PCDHGA4: variants seen among roughly 807,000 people sequenced by gnomAD.
The protein encoded by PCDHGA4 is protocadherin gamma-A4.
A neutral mutation model predicts 54.6 loss-of-function variants in PCDHGA4; 38 were observed. That is an observed-to-expected ratio of 0.70 (90% confidence interval 0.54 to 0.91). PCDHGA4 has a LOEUF of 0.91. PCDHGA4 is among the 40% of genes least tolerant of loss of function. The pLI is 0.00. For missense variants in PCDHGA4, 1,298 were observed against 1,220.9 expected, an observed-to-expected ratio of 1.06 and a Z score of -0.94; for synonymous variants, 511 against 512.9, an observed-to-expected ratio of 1.00 and a Z score of 0.05.
Position 141,355,962 on chromosome 5 carries a change from C to A in PCDHGA4, c.855C>A (p.Asn285Lys). ...QPEYHVSVRE[N>K]VPVGTRLLTV... ...AGTACCACGTAAGTGTTCGTGAGAACGTTCCTGTAGGCACTCGGCTACTCA... is the reference window on the plus strand; with the variant it reads ...AGTACCACGTAAGTGTTCGTGAGAAAGTTCCTGTAGGCACTCGGCTACTCA... Residue 285 changes from asparagine (N) to lysine (K), a missense_variant, in exon 1 of 4, where the codon AAC becomes AAA. Asn to Lys is a moderately conservative substitution (Grantham distance 94, BLOSUM62 0). Coordinates refer to ENST00000571252, the MANE Select transcript of PCDHGA4 (RefSeq NM_018917.4). 1 of 1,613,898 alleles carries A rather than the reference C, an allele frequency of 6.2e-7. No homozygotes were observed. The highest frequency in any genetic ancestry group is 8.5e-7 in the Non-Finnish European group (1 of 1,179,866).
chr5:141,424,497 A>G (rs2096824503), intron 1 of PCDHGA4: 2 of 152,174 alleles, frequency 1.3e-5, no homozygotes, highest in African/African-American at 2.4e-5. Flanking sequence ...GTTTGTATGT[A>G]TGGAAGGTTT....
At position 141,431,365 on chromosome 5, in the gene PCDHGA4, C is replaced by T. The variant is rs2097365932; in HGVS notation, c.2515-63442C>T. ...TGGTGCTGAAACGCGCCCTGGACCG[C>T]GAAGAAAAGGCTGCTCACCACCTGG... On this transcript the variant is annotated intron_variant, in intron 1 of 3. Coordinates refer to ENST00000571252, the MANE Select transcript of PCDHGA4 (RefSeq NM_018917.4). The surrounding 1 kb of genome is among the most constrained non-coding windows in gnomAD (Gnocchi z 4.8). 6 of 1,613,980 alleles carry T rather than the reference C, an allele frequency of 3.7e-6. No homozygotes were observed. Among genetic ancestry groups the T allele is most frequent in the Non-Finnish European group, 5.1e-6 (6 of 1,180,028 alleles).
At chr5:141,373,925 G>C (rs1769961983) in intron 1 of PCDHGA4, 11 of 660,560 alleles carry the variant, frequency 1.7e-5, no homozygotes, top group Non-Finnish European at 2.6e-5. Flanking sequence ...CAAATTAGAC[G>C]GGAAAGCAGG....
intron 1 of PCDHGA4, chr5:141,361,955 A>G (rs1762251619): frequency 6.2e-6 from 10 of 1,602,992 alleles, no homozygotes; most frequent in Non-Finnish European, 6.8e-6. Flanking sequence ...CTGTCCTACC[A>G]CGTGCTGCAG....
chr5:141,468,226 G>T (rs967204965), intron 1 of PCDHGA4, among the ~76,000 whole-genome samples: 2 of 151,038 alleles, frequency 1.3e-5, no homozygotes, highest in Admixed American at 1.3e-4. Flanking sequence ...TTGGGAGGAT[G>T]AGGTAGGAGA....
rs1189175823 is a variant in PCDHGA4 at position 141,422,087 on chromosome 5, G to T, written c.2514+64466G>T. 2 of 1,611,966 alleles carry T rather than the reference G, an allele frequency of 1.2e-6. No individual in the cohort carries two copies. ...ATGTATTCATTTCGGAACATGGAAA[G>T]CAAGGCTTCTGAAATATTCCAATTG... is the stretch of plus-strand genomic sequence containing the variant. On this transcript the variant is annotated intron_variant, in intron 1 of 3. Transcript: ENST00000571252.
At position 141,357,474 on chromosome 5, in the gene PCDHGA4, C is replaced by T. The variant is rs530149154; in HGVS notation, c.2367C>T (p.Ser789=). The change falls in exon 1 of 4, where the codon TCC becomes TCT. Residue 789 remains serine (S), a synonymous_variant. Transcript: ENST00000571252. ...AFLQTYSHEV[S]LTADSRKSHL... The stretch of plus-strand genomic sequence containing the variant: ...TGCAGACCTATTCCCACGAGGTCTC[C>T]CTCACCGCGGACTCGCGGAAGAGTC... The T allele has an allele frequency of 2.5e-6, 4 of 1,614,220 alleles. No homozygotes were observed. In the South Asian group the frequency reaches 3.3e-5, roughly 13 times the overall value.
chr5:141,365,622 C>T, intron 1 of PCDHGA4: 1 of 1,613,594 alleles, frequency 6.2e-7, no homozygotes, highest in Non-Finnish European at 8.5e-7. Flanking sequence ...GGAACCCCGC[C>T]CCTCTCTACA....
At chr5:141,421,120 G>T (rs747126094) in intron 1 of PCDHGA4, 4 of 779,870 alleles carry the variant, frequency 5.1e-6, no homozygotes, top group Non-Finnish European at 7.9e-6. Flanking sequence ...ATTTTCCTTC[G>T]CTTTCTGATA....
At chr5:141,478,338 C>T in intron 1 of PCDHGA4, 2 of 1,613,936 alleles carry the variant, frequency 1.2e-6, no homozygotes, top group South Asian at 1.1e-5. Flanking sequence ...CCAGGGCCCT[C>T]CTTGCACGCG....
In PCDHGA4 at chr5:141,431,501, C is replaced by G; in HGVS notation, c.2515-63306C>G. On this transcript the variant is annotated intron_variant, in intron 1 of 3. Coordinates refer to ENST00000571252, the MANE Select transcript of PCDHGA4 (RefSeq NM_018917.4). This position sits in a 1 kb window ranked among gnomAD's most constrained non-coding sequence, Gnocchi z 4.8. ...ACCAGCGTTTGCTCAGCCCGAGTAC[C>G]GCGCGAGCGTTCCGGAGAATCTGGC... is the stretch of plus-strand genomic sequence containing the variant. 1 of 1,614,010 alleles carries G rather than the reference C, an allele frequency of 6.2e-7. No homozygotes were observed. The highest frequency in any genetic ancestry group is 8.5e-7 in the Non-Finnish European group (1 of 1,180,034).
chr5:141,507,661 C>T (rs1328943034), intron 3 of PCDHGA4, among the ~76,000 whole-genome samples: 1 of 152,236 alleles, frequency 6.6e-6, no homozygotes, highest in Non-Finnish European at 1.5e-5. Context: ...GCTTTTTAGC[C>T]TAAATCCAGA....
At chr5:141,400,031 G>T in intron 1 of PCDHGA4, 1 of 1,613,082 alleles carries the variant, frequency 6.2e-7, no homozygotes, top group Admixed American at 1.7e-5. Flanking sequence ...GACGCGGCCC[G>T]CCAGCGCCTG....
chr5:141,366,619 G>C, intron 1 of PCDHGA4: 1 of 1,614,222 alleles, frequency 6.2e-7, no homozygotes, highest in Non-Finnish European at 8.5e-7. Flanking sequence ...CCGCGGACTC[G>C]AGGAAGAGTC....
At position 141,477,483 on chromosome 5, in the gene PCDHGA4, A is replaced by T; in HGVS notation, c.2515-17324A>T. ...TCCGACATCAATGACAACCCTCCAC[A>T]ATCTTCTCAATCTTCCTACGACGTT... On this transcript the variant is annotated intron_variant, in intron 1 of 3. Coordinates refer to ENST00000571252, the MANE Select transcript of PCDHGA4 (RefSeq NM_018917.4). The surrounding 1 kb of genome is among the most constrained non-coding windows in gnomAD (Gnocchi z 4.9). 1 of 1,614,028 alleles carries T rather than the reference A, an allele frequency of 6.2e-7. No homozygotes were observed.
chr5:141,444,588 A>G (rs1486905298), intron 1 of PCDHGA4, among the ~76,000 whole-genome samples: 1 of 152,138 alleles, frequency 6.6e-6, no homozygotes, highest in Non-Finnish European at 1.5e-5. Flanking sequence ...CTTTCTACTT[A>G]CCTTATTTAA....
rs2099718995 is a variant in PCDHGA4 at position 141,491,523 on chromosome 5, G to A, written c.2515-3284G>A. On this transcript the variant is annotated intron_variant, in intron 1 of 3. Transcript: ENST00000571252. This position sits in a 1 kb window ranked among gnomAD's most constrained non-coding sequence, Gnocchi z 6.9. ...CGGACGGCACGCTCAAGTACATGGAGGTGACGCTGCGGCCCACAGACTCGC... is the reference window on the plus strand; with the variant it reads ...CGGACGGCACGCTCAAGTACATGGAAGTGACGCTGCGGCCCACAGACTCGC... The A allele has an allele frequency of 3.1e-6, 5 of 1,613,954 alleles. No individual in the cohort carries two copies. The highest frequency in any genetic ancestry group is 3.4e-6 in the Non-Finnish European group (4 of 1,180,032).
At chr5:141,466,709 T>C (rs2099127779) in intron 1 of PCDHGA4, among the ~76,000 whole-genome samples, 1 of 152,212 alleles carries the variant, frequency 6.6e-6, no homozygotes, top group Non-Finnish European at 1.5e-5. Flanking sequence ...TGATGTCTGT[T>C]CTTGTTTCCA....
intron 1 of PCDHGA4, chr5:141,419,265 C>G: frequency 6.2e-7 from 1 of 1,614,040 alleles, no homozygotes; most frequent in Non-Finnish European, 8.5e-7. Context: ...CAGCCGGGTG[C>G]CTCCATAGCG....
Sources: gnomAD v4.1 joint callset for allele counts (sites outside exome capture counted in the v4.1 genomes callset) on GRCh38, gnomAD v4.1.1 for gene constraint, Gnocchi (gnomAD v3.1) non-coding constraint, MANE v1.5 for transcripts, NCBI Gene and HGNC (gene_info 2026-07-23, HGNC 2026-07-21) for gene names.